PRELID2: variants seen among roughly 807,000 people sequenced by gnomAD.
The protein encoded by PRELID2 is PRELI domain-containing protein 2.
Under a neutral mutation model 28.4 loss-of-function variants are expected in PRELID2, and 25 were observed. The ratio of observed to expected loss-of-function variants is 0.88; its 90% CI spans 0.64 to 1.23. PRELID2 has a LOEUF of 1.23. Among genes scored for constraint, PRELID2 ranks in the 50% most tolerant of loss-of-function variants. The probability of loss-of-function intolerance (pLI) is 0.00; values close to 1 mark genes in which losing one functional copy is unlikely to be tolerated. For missense variants in PRELID2, 201 were observed against 214.4 expected (o/e 0.94, Z 0.39); for synonymous variants, 76 against 71.6 (o/e 1.06, Z -0.31).
downstream of PRELID2, among the ~76,000 whole-genome samples, chr5:145,469,626 A>G (rs1752033576): frequency 6.6e-6 from 1 of 152,124 alleles, no homozygotes; most frequent in Admixed American, 6.6e-5. Flanking sequence ...CCGAACTGAT[A>G]GATGGAAGCA....
intron 1 of PRELID2, among the ~76,000 whole-genome samples, chr5:145,512,136 C>T (rs996074364): frequency 1.3e-5 from 2 of 152,052 alleles, no homozygotes; most frequent in African/African-American, 4.8e-5. Context: ...TAGATGAAAG[C>T]TCATGAGAAG....
At chr5:145,427,818 T>C in the PRELID2 span, among the ~76,000 whole-genome samples, 2 of 152,132 alleles carry the variant, frequency 1.3e-5, no homozygotes, top group East Asian at 3.8e-4. Context: ...AAGTTTAGAT[T>C]AGACGATATT....
chr5:145,263,151 A>G, the PRELID2 span, among the ~76,000 whole-genome samples: 1 of 152,210 alleles, frequency 6.6e-6, no homozygotes, highest in Non-Finnish European at 1.5e-5. Flanking sequence ...TCCAAAATAT[A>G]CATACATCTA....
intron 1 of PRELID2, among the ~76,000 whole-genome samples, chr5:145,730,545 A>C (rs1228592026): frequency 6.6e-6 from 1 of 152,238 alleles, no homozygotes; most frequent in Non-Finnish European, 1.5e-5. Flanking sequence ...GGTTGGAAGA[A>C]GTACAAAAGC....
At chr5:145,465,697 A>G in the PRELID2 span, among the ~76,000 whole-genome samples, 9 of 152,176 alleles carry the variant, frequency 5.9e-5, no homozygotes, top group Non-Finnish European at 1.5e-5. Context: ...TAAAGTGGAT[A>G]GAACAGTGCC....
intron 1 of PRELID2, among the ~76,000 whole-genome samples, chr5:145,632,757 C>A (rs1291988968): frequency 6.6e-6 from 1 of 152,128 alleles, no homozygotes; most frequent in African/African-American, 2.4e-5. Flanking sequence ...TGTAAGATAA[C>A]CCTCCATGAT....
the PRELID2 span, among the ~76,000 whole-genome samples, chr5:145,400,228 A>C: frequency 6.6e-6 from 1 of 152,154 alleles, no homozygotes; most frequent in Non-Finnish European, 1.5e-5. Flanking sequence ...TCAGAGAGAC[A>C]GACCAAAATA....
chr5:145,385,161 G>A, the PRELID2 span, among the ~76,000 whole-genome samples: 1 of 152,094 alleles, frequency 6.6e-6, no homozygotes, highest in African/African-American at 2.4e-5. Context: ...TATACTGCAT[G>A]TAAAATGTAC....
chr5:145,424,191 TTGTC>T, the PRELID2 span, among the ~76,000 whole-genome samples: 6 of 151,914 alleles, frequency 3.9e-5, no homozygotes. Context: ...GTCTTTTTGT[TTGTC>T]TGTGCCCTGC....
At chr5:145,779,444 T>G (rs190077782) in intron 5 of PRELID2, among the ~76,000 whole-genome samples, 24 of 152,174 alleles carry the variant, frequency 1.6e-4, no homozygotes, top group African/African-American at 5.8e-4. Context: ...AAGGGCAATA[T>G]AAATTATTAT....
At chr5:145,821,679 C>T (rs1475340645) in intron 2 of PRELID2, among the ~76,000 whole-genome samples, 1 of 152,224 alleles carries the variant, frequency 6.6e-6, no homozygotes, top group Non-Finnish European at 1.5e-5. Flanking sequence ...AACCCCTCTG[C>T]CCATTGGCCC....
chr5:145,576,278 C>A (rs1209878629), intron 1 of PRELID2, among the ~76,000 whole-genome samples: 1 of 152,138 alleles, frequency 6.6e-6, no homozygotes, highest in African/African-American at 2.4e-5. Context: ...CCCATTCCCA[C>A]CAACCACTCT....
the PRELID2 span, among the ~76,000 whole-genome samples, chr5:145,455,934 C>T: frequency 2.0e-5 from 3 of 152,136 alleles, no homozygotes; most frequent in Non-Finnish European, 4.4e-5. Context: ...AAATTACTCG[C>T]CTTCTGTGTT....
the PRELID2 span, among the ~76,000 whole-genome samples, chr5:145,347,715 C>A: frequency 6.6e-6 from 1 of 151,888 alleles, no homozygotes; most frequent in African/African-American, 2.4e-5. Flanking sequence ...ATAATACCAC[C>A]CCTGTTTGAA....
chr5:145,378,414 G>A, the PRELID2 span, among the ~76,000 whole-genome samples: 2 of 152,090 alleles, frequency 1.3e-5, no homozygotes, highest in East Asian at 3.9e-4. Context: ...ATCTCTTTCA[G>A]ACACACCAGT....
the PRELID2 span, among the ~76,000 whole-genome samples, chr5:145,353,562 C>T: frequency 6.6e-6 from 1 of 152,186 alleles, no homozygotes; most frequent in African/African-American, 2.4e-5. Flanking sequence ...CTGAGGAGGC[C>T]TCAGGGAACT....
At chr5:145,741,221 T>TATAA (rs374479179) in intron 1 of PRELID2, among the ~76,000 whole-genome samples, 92,534 of 109,908 alleles carry the variant, frequency 0.84, 39,156 homozygotes, top group East Asian at 0.96. Context: ...ATATAAAATA[T>TATAA]ATATATAATA....
the PRELID2 span, among the ~76,000 whole-genome samples, chr5:145,260,125 G>C: frequency 2.0e-5 from 3 of 152,172 alleles, no homozygotes; most frequent in East Asian, 5.8e-4. Flanking sequence ...CTACCCCTTT[G>C]TCTTCCACCA....
At chr5:145,690,390 G>A (rs996788339) in intron 1 of PRELID2, among the ~76,000 whole-genome samples, 5 of 152,156 alleles carry the variant, frequency 3.3e-5, no homozygotes, top group Admixed American at 1.3e-4. Context: ...AGAACGCCAC[G>A]TGTTTCTGGC....
Sources: gnomAD v4.1 joint callset for allele counts (sites outside exome capture counted in the v4.1 genomes callset) on GRCh38, gnomAD v4.1.1 for gene constraint, MANE v1.5 for transcripts, NCBI Gene and HGNC (gene_info 2026-07-23, HGNC 2026-07-21) for gene names.